Variants in LRRIQ1 observed in about 807,000 individuals in gnomAD.
LRRIQ1 encodes leucine-rich repeat- and IQ domain-containing protein 1.
Under a neutral mutation model 211.9 loss-of-function variants are expected in LRRIQ1, and 210 were observed. The ratio of observed to expected loss-of-function variants is 0.99; its 90% CI spans 0.89 to 1.11. The LOEUF (loss-of-function observed/expected upper bound fraction) is 1.11, where lower values mean the gene tolerates loss of function less well. LRRIQ1 is among the 50% of genes most tolerant of loss of function. The probability of loss-of-function intolerance (pLI) is 0.00; values close to 1 mark genes in which losing one functional copy is unlikely to be tolerated. For synonymous variants in LRRIQ1, 699 were observed against 650.1 expected, an observed-to-expected ratio of 1.08 and a Z score of -1.14; for missense variants, 2,136 against 1,939.5, an observed-to-expected ratio of 1.10 and a Z score of -1.90.
chr12:85,111,338 G>A (rs1194216332), intron 15 of LRRIQ1, among the ~76,000 whole-genome samples: 1 of 152,090 alleles, frequency 6.6e-6, no homozygotes, highest in African/African-American at 2.4e-5. Flanking sequence ...CCGTTGACTG[G>A]TTCCATTCAT....
intron 24 of LRRIQ1, among the ~76,000 whole-genome samples, chr12:85,180,791 A>G (rs1460403664): frequency 6.6e-6 from 1 of 151,894 alleles, no homozygotes; most frequent in Non-Finnish European, 1.5e-5. Context: ...AATGTGTTAA[A>G]ATTTAGAATT....
chr12:85,189,071 A>T (rs1226699041), intron 24 of LRRIQ1, among the ~76,000 whole-genome samples: 3 of 152,152 alleles, frequency 2.0e-5, no homozygotes, highest in Non-Finnish European at 2.9e-5. Flanking sequence ...CTTGATCGTA[A>T]GATTAAGTTA....
Position 85,135,315 on chromosome 12 carries a change from GT to G in LRRIQ1, c.4210-2525del, listed in dbSNP as rs895753971. Among the ~76,000 whole-genome samples, 809 of 146,604 alleles carry G rather than the reference GT, an allele frequency of 5.5e-3. 7 individuals are homozygous for G. The highest frequency in any genetic ancestry group is 8.9e-3 in the Non-Finnish European group (588 of 66,154). On this transcript the variant is annotated intron_variant, in intron 18 of 26. Transcript: ENST00000393217. ...AGATCTACTGTTTGTTCTGATTCAG[GT>G]TTTTTTTTTAGCAAGAATATTTCAT...
chr12:85,240,779 A>C (rs1895424259), intron 26 of LRRIQ1, among the ~76,000 whole-genome samples: 1 of 152,104 alleles, frequency 6.6e-6, no homozygotes, highest in African/African-American at 2.4e-5. Flanking sequence ...ATGCTGTATT[A>C]TTTCATTAAT....
chr12:85,208,178 C>T (rs1893658096), intron 24 of LRRIQ1, among the ~76,000 whole-genome samples: 2 of 150,866 alleles, frequency 1.3e-5, no homozygotes. Context: ...TATAGTAGGT[C>T]TTGAAGTTAG....
chr12:85,192,490 T>C (rs1373652013), intron 24 of LRRIQ1, among the ~76,000 whole-genome samples: 21 of 125,696 alleles, frequency 1.7e-4, no homozygotes, highest in African/African-American at 5.2e-4. Context: ...TATAGTTATA[T>C]AATATAATTA....
chr12:85,178,815 A>G (rs917935945), intron 24 of LRRIQ1, among the ~76,000 whole-genome samples: 5 of 151,906 alleles, frequency 3.3e-5, no homozygotes, highest in African/African-American at 4.8e-5. Context: ...ACTTACTGAT[A>G]CAGCAAATAT....
intron 11 of LRRIQ1, among the ~76,000 whole-genome samples, chr12:85,090,050 C>G (rs1270721169): frequency 1.3e-5 from 2 of 152,218 alleles, no homozygotes; most frequent in African/African-American, 2.4e-5. Context: ...ATCCCGGCTG[C>G]TCTAGCTCCA....
chr12:85,217,482 ATATATATATGTATATATATATATATATG>A (rs1353444028), intron 24 of LRRIQ1, among the ~76,000 whole-genome samples: 2 of 83,968 alleles, frequency 2.4e-5, no homozygotes, highest in Non-Finnish European at 4.0e-5. Flanking sequence ...ATATATATAT[ATATATATATGTATATATATATATATATG>A]TGTGTGTGTG....
chr12:85,205,440 G>A (rs983730208), intron 24 of LRRIQ1, among the ~76,000 whole-genome samples: 2 of 152,100 alleles, frequency 1.3e-5, no homozygotes, highest in Non-Finnish European at 2.9e-5. Context: ...ATTGTCTTCT[G>A]GCTTGTAGGG....
At chr12:85,162,727 T>A (rs1890950365) in intron 24 of LRRIQ1, 4 of 455,146 alleles carry the variant, frequency 8.8e-6, no homozygotes, top group Non-Finnish European at 1.8e-5. Flanking sequence ...AGCTTTACGA[T>A]GTGATGTTCT....
At chr12:85,058,374 A>G (rs1881381953) in intron 8 of LRRIQ1, among the ~76,000 whole-genome samples, 1 of 152,024 alleles carries the variant, frequency 6.6e-6, no homozygotes, top group Admixed American at 6.6e-5. Flanking sequence ...ATCATGTTTT[A>G]GCACTTTTCT....
At chr12:85,257,387 T>C (rs866209821) in intron 1 of LRRIQ1, among the ~76,000 whole-genome samples, 17 of 149,678 alleles carry the variant, frequency 1.1e-4, no homozygotes, top group South Asian at 8.4e-4. Context: ...TAAAAAATGA[T>C]TGTGGAGTTT....
intron 18 of LRRIQ1, among the ~76,000 whole-genome samples, chr12:85,134,688 G>C (rs965760916): frequency 6.6e-6 from 1 of 151,964 alleles, no homozygotes; most frequent in African/African-American, 2.4e-5. Flanking sequence ...CGTGAAGCTT[G>C]ATTTCTCACT....
intron 26 of LRRIQ1, among the ~76,000 whole-genome samples, chr12:85,242,357 AAAAC>A: frequency 6.6e-6 from 1 of 152,102 alleles, no homozygotes; most frequent in East Asian, 1.9e-4. Flanking sequence ...TACAAATAAA[AAAAC>A]AATAGAGTAT....
intron 26 of LRRIQ1, among the ~76,000 whole-genome samples, chr12:85,241,059 C>T (rs1177924213): frequency 5.3e-5 from 8 of 151,940 alleles, no homozygotes; most frequent in Admixed American, 3.9e-4. Flanking sequence ...TGAAAGCTAG[C>T]GAAGTCCTAA....
chr12:85,052,321 T>C, intron 7 of LRRIQ1, 70 bp downstream of exon 7: 1 of 815,122 alleles, frequency 1.2e-6, no homozygotes, highest in Admixed American at 2.7e-5. Context: ...ATGCTTGAAA[T>C]GGTTATTTTT....
At chr12:85,189,887 T>C (rs1481226485) in intron 24 of LRRIQ1, among the ~76,000 whole-genome samples, 1 of 144,338 alleles carries the variant, frequency 6.9e-6, no homozygotes, top group Non-Finnish European at 1.5e-5. Context: ...TTATATATTA[T>C]ATATCATATA....
intron 10 of LRRIQ1, among the ~76,000 whole-genome samples, chr12:85,069,857 A>G (rs886199531): frequency 9.1e-4 from 138 of 152,108 alleles, no homozygotes; most frequent in African/African-American, 3.1e-3. Flanking sequence ...TCAGATGAGT[A>G]GGTTGCAAAC....
Sources: gnomAD v4.1 joint callset for allele counts (sites outside exome capture counted in the v4.1 genomes callset) on GRCh38, gnomAD v4.1.1 for gene constraint, MANE v1.5 for transcripts, NCBI Gene and HGNC (gene_info 2026-07-23, HGNC 2026-07-21) for gene names.